LEKR1: variants seen among roughly 807,000 people sequenced by gnomAD.
LEKR1 encodes leucine, glutamate and lysine rich 1, also known as protein LEKR1.
A neutral mutation model predicts 72.4 loss-of-function variants in LEKR1; 59 were observed. That is an observed-to-expected ratio of 0.82 (90% confidence interval 0.66 to 1.01). LEKR1 has a LOEUF of 1.01. Ranked by LOEUF, LEKR1 falls within the 50% of genes least tolerant of loss-of-function variation. LEKR1 has a pLI of 0.00. For missense variants in LEKR1, 728 were observed against 759.2 expected (o/e 0.96, Z 0.48); for synonymous variants, 257 against 263.2 (o/e 0.98, Z 0.23).
intron 4 of LEKR1, among the ~76,000 whole-genome samples, chr3:156,926,550 C>G (rs972706046): frequency 2.0e-5 from 3 of 151,972 alleles, no homozygotes; most frequent in African/African-American, 7.2e-5. Context: ...ATGAGTTCCC[C>G]CTAGTCTCCT....
At chr3:156,830,138 A>T (rs1465383896) in intron 2 of LEKR1, among the ~76,000 whole-genome samples, 4 of 152,250 alleles carry the variant, frequency 2.6e-5, no homozygotes, top group Non-Finnish European at 4.4e-5. Flanking sequence ...TAACTGTAAT[A>T]TATACTATAC....
At chr3:156,887,207 G>A (rs748524897) in intron 3 of LEKR1, among the ~76,000 whole-genome samples, 9 of 151,532 alleles carry the variant, frequency 5.9e-5, no homozygotes, top group Non-Finnish European at 1.0e-4. Flanking sequence ...TTGATTGTCC[G>A]TATTTTTATG....
intron 6 of LEKR1, among the ~76,000 whole-genome samples, chr3:156,958,157 T>TTTTTG (rs1197440274): frequency 1.3e-5 from 2 of 152,284 alleles, no homozygotes; most frequent in Admixed American, 6.5e-5. Flanking sequence ...CAGGTTGGTT[T>TTTTTG]TTTTGTTTTG....
chr3:156,927,664 A>G lies in LEKR1; in HGVS notation c.559+60A>G, dbSNP rs969112180. 4.7e-5 allele frequency: 29 copies of G among 620,812 alleles called. No homozygotes were observed. The African/African-American group carries it at 5.4e-4, about 12-fold the overall frequency. The allele number at this position is 620,812 out of a possible 1,614,324, so 38.5% of individuals were successfully genotyped here. A position where few individuals can be genotyped will look rare whatever the true frequency, so the allele number is the denominator to read the frequency against. On this transcript the variant is annotated intron_variant, in intron 5 of 12. Coordinates refer to ENST00000356539, the MANE Select transcript of LEKR1 (RefSeq NM_001004316.3). ...TTTTGGTAAATGGTACATCATAAGT[A>G]ATAAAATAATGATATTTCATTTTAT... is the stretch of plus-strand genomic sequence containing the variant.
chr3:157,008,839 T>TATA (rs1179207749), intron 9 of LEKR1, among the ~76,000 whole-genome samples: 2 of 152,204 alleles, frequency 1.3e-5, no homozygotes, highest in African/African-American at 4.8e-5. Flanking sequence ...GAGATTTGTT[T>TATA]ATAAAGTTTT....
At chr3:156,930,628 A>G (rs1050460340) in intron 5 of LEKR1, among the ~76,000 whole-genome samples, 3 of 152,194 alleles carry the variant, frequency 2.0e-5, no homozygotes, top group African/African-American at 7.2e-5. Flanking sequence ...ATAACTCTTT[A>G]AAAAGTATTC....
chr3:157,032,179 C>T (rs1015544564), intron 12 of LEKR1, among the ~76,000 whole-genome samples: 1 of 152,082 alleles, frequency 6.6e-6, no homozygotes, highest in Non-Finnish European at 1.5e-5. Flanking sequence ...GCCCATTTTC[C>T]TTCCTACTGG....
chr3:156,895,394 A>G (rs1219953964), intron 3 of LEKR1, among the ~76,000 whole-genome samples: 5 of 152,198 alleles, frequency 3.3e-5, no homozygotes, highest in African/African-American at 1.2e-4. Flanking sequence ...TGGGTGGATC[A>G]ACTGAGCTCA....
intron 3 of LEKR1, among the ~76,000 whole-genome samples, chr3:156,871,367 T>G (rs1455196031): frequency 6.6e-6 from 1 of 152,224 alleles, no homozygotes; most frequent in Admixed American, 6.5e-5. Flanking sequence ...TGTTGGACAT[T>G]TGGCTTTGTT....
In LEKR1 at chr3:157,028,267, G is replaced by A. The variant is rs866634878; in HGVS notation, c.1533G>A (p.Leu511=). ...KNLVAEFESR[L]KKEIDSNDSV... ...TGGTTGCAGAATTTGAATCTCGCTT[G>A]AAGAAGGAAATTGACAGTAATGATT... Residue 511 remains leucine (L), a synonymous_variant, in exon 12 of 13, where the codon TTG becomes TTA. Transcript: ENST00000356539. The A allele has an allele frequency of 1.2e-6, 2 of 1,613,682 alleles. No homozygotes were observed. The highest frequency in any genetic ancestry group is 3.3e-5 in the Admixed American group (2 of 59,930).
At chr3:157,013,517 T>C (rs374043996) in intron 10 of LEKR1, among the ~76,000 whole-genome samples, 34 of 152,290 alleles carry the variant, frequency 2.2e-4, no homozygotes, top group Middle Eastern at 6.8e-3. Flanking sequence ...GCTAGGACCA[T>C]GATATCTTTC....
At chr3:156,923,026 G>A (rs754474568) in intron 4 of LEKR1, among the ~76,000 whole-genome samples, 28 of 151,988 alleles carry the variant, frequency 1.8e-4, no homozygotes, top group Admixed American at 3.9e-4. Flanking sequence ...GTTTCACTTC[G>A]CTTCTTCAGT....
At chr3:156,854,287 C>A (rs62275161) in intron 3 of LEKR1, among the ~76,000 whole-genome samples, 1 of 151,530 alleles carries the variant, frequency 6.6e-6, no homozygotes, top group African/African-American at 2.4e-5. Context: ...GGGATTACAG[C>A]TACACACCAC....
At chr3:156,853,033 A>G in intron 3 of LEKR1, 51 bp downstream of exon 3, 2 of 1,212,888 alleles carry the variant, frequency 1.6e-6, no homozygotes, top group Non-Finnish European at 2.3e-6. Flanking sequence ...AGACAGCTAC[A>G]GGAAATAAAT....
rs1209543141 is a variant in LEKR1, at chr3:156,876,802, A to T, written c.263+23820A>T. 2.0e-5 allele frequency among the ~76,000 whole-genome samples: 3 copies of T among 152,122 alleles called. No individual in the cohort carries two copies. The East Asian group carries it at 5.8e-4, about 29-fold the overall frequency. On this transcript the variant is annotated intron_variant, in intron 3 of 12. Coordinates refer to ENST00000356539, the MANE Select transcript of LEKR1 (RefSeq NM_001004316.3). ...TTTGACTTCCCCTTTACCAATTTGG[A>T]TGCCTTTTATTTATTTCCCTTGTCT... is the stretch of plus-strand genomic sequence containing the variant.
At chr3:157,015,580 A>G (rs1428254030) in intron 10 of LEKR1, among the ~76,000 whole-genome samples, 1 of 152,154 alleles carries the variant, frequency 6.6e-6, no homozygotes, top group Non-Finnish European at 1.5e-5. Flanking sequence ...AAGAAACTGA[A>G]CTGCATCCTA....
chr3:156,904,333 T>A (rs1722318143), intron 3 of LEKR1, among the ~76,000 whole-genome samples: 1 of 151,916 alleles, frequency 6.6e-6, no homozygotes, highest in South Asian at 2.1e-4. Context: ...CTATCTTATA[T>A]CCCCTTATCC....
chr3:156,955,217 C>T (rs116174953), intron 6 of LEKR1, among the ~76,000 whole-genome samples: 1 of 151,902 alleles, frequency 6.6e-6, no homozygotes, highest in Non-Finnish European at 1.5e-5. Flanking sequence ...CCTGAGACTG[C>T]TGAAATTGCT....
intron 3 of LEKR1, among the ~76,000 whole-genome samples, chr3:156,900,999 A>AT (rs942141902): frequency 3.9e-5 from 6 of 152,036 alleles, no homozygotes; most frequent in Non-Finnish European, 7.4e-5. Context: ...AATTATTAAA[A>AT]TTTTTTAAAG....
Sources: allele counts gnomAD v4.1 joint callset (sites outside exome capture counted in the v4.1 genomes callset), GRCh38; gene constraint gnomAD v4.1.1; transcripts MANE v1.5; gene names NCBI Gene and HGNC (gene_info 2026-07-23, HGNC 2026-07-21).